Variants in OPALIN observed in about 807,000 individuals in gnomAD.
OPALIN encodes the protein transmembrane protein 10.
Under a neutral mutation model 17.8 loss-of-function variants are expected in OPALIN, and 15 were observed. The ratio of observed to expected loss-of-function variants is 0.84; its 90% confidence interval spans 0.56 to 1.29. The LOEUF is 1.29. OPALIN is among the 50% of genes most tolerant of loss of function. OPALIN has a pLI of 0.00. For missense variants in OPALIN, 170 were observed against 176.0 expected (o/e 0.97, Z 0.19); for synonymous variants, 62 against 63.8 (o/e 0.97, Z 0.14).
At position 96,355,226 on chromosome 10, in the gene OPALIN, G is replaced by A. The variant is rs774058997; in HGVS notation, c.39+29C>T. 18 of 1,608,564 alleles carry A rather than the reference G, an allele frequency of 1.1e-5. No homozygotes were observed. The highest frequency in any genetic ancestry group is 1.4e-5 in the Non-Finnish European group (17 of 1,176,856). Reference sequence around the variant, plus strand: ...ATTCTGCACTGGTCTTCTCTGCGTTGCCTGGTGAATGGGGGCTGCTGTACT... The same window carrying A: ...ATTCTGCACTGGTCTTCTCTGCGTTACCTGGTGAATGGGGGCTGCTGTACT... On this transcript the variant is annotated intron_variant, in intron 2 of 5. Coordinates refer to ENST00000371172, the MANE Select transcript of OPALIN (RefSeq NM_033207.5).
At chr10:96,357,351 T>C (rs1845862677) in intron 1 of OPALIN, among the ~76,000 whole-genome samples, 1 of 152,214 alleles carries the variant, frequency 6.6e-6, no homozygotes, top group Non-Finnish European at 1.5e-5. Flanking sequence ...TCATATTTTG[T>C]AGAAACACAG....
rs1167475372 is a variant in OPALIN, at chr10:96,343,646, G to A, written c.*2295C>T. The A allele has an allele frequency of 6.6e-6, 1 of 152,246 alleles. No homozygotes were observed. Among genetic ancestry groups the A allele is most frequent in the African/African-American group, 2.4e-5 (1 of 41,460 alleles). 9.4% of individuals were successfully genotyped at this position (152,246 alleles called of 1,614,324 possible). On this transcript the variant is annotated 3_prime_UTR_variant, in exon 6 of 6. Coordinates refer to ENST00000371172, the MANE Select transcript of OPALIN (RefSeq NM_033207.5). ...ACATGTAGGAGAAGTACAAGCACCA[G>A]GATGACTGGGAATGTCTGTTTAAAA...
intron 3 of OPALIN, among the ~76,000 whole-genome samples, chr10:96,350,247 G>C (rs1845523033): frequency 6.6e-6 from 1 of 151,920 alleles, no homozygotes; most frequent in Non-Finnish European, 1.5e-5. Flanking sequence ...ATGGAGTCTT[G>C]CTCTGTTGCC....
chr10:96,358,186 TAAAAAAAAAAA>T (rs61616596), intron 1 of OPALIN, among the ~76,000 whole-genome samples: 5,681 of 61,936 alleles, frequency 0.092, 490 homozygotes, highest in African/African-American at 0.26. Context: ...ATGCTTTTTG[TAAAAAAAAAAA>T]AAAAAAAAAA....
chr10:96,349,560 G>T, intron 4 of OPALIN, 147 bp downstream of exon 4: 2 of 869,220 alleles, frequency 2.3e-6, no homozygotes, highest in Non-Finnish European at 1.8e-6. Context: ...CATGTCTGCA[G>T]TGGAAATTAT....
chr10:96,356,720 CT>C (rs1251033875), intron 1 of OPALIN, among the ~76,000 whole-genome samples: 2 of 152,166 alleles, frequency 1.3e-5, no homozygotes, highest in African/African-American at 4.8e-5. Context: ...GTAAGTCCCC[CT>C]AGCTTTTGCC....
intron 1 of OPALIN, among the ~76,000 whole-genome samples, chr10:96,356,690 G>A (rs1845835343): frequency 6.6e-6 from 1 of 152,214 alleles, no homozygotes; most frequent in Non-Finnish European, 1.5e-5. Flanking sequence ...AACCAGAAGT[G>A]TTTTAAGCAC....
rs776629151 is a variant in OPALIN, at chr10:96,343,468, G to A, written c.*2473C>T. The A allele has an allele frequency of 1.3e-5, 2 of 152,138 alleles. No individual in the cohort carries two copies. Among genetic ancestry groups the A allele is most frequent in the Non-Finnish European group, 2.9e-5 (2 of 68,032 alleles). The allele number at this position is 152,138 out of a possible 1,614,324, so 9.4% of individuals were successfully genotyped here. ...AATCCAGCCTTACAACCACCCCATGGGCTAAAAGGATGGAGGATGAGAACT... is the reference window on the plus strand; with the variant it reads ...AATCCAGCCTTACAACCACCCCATGAGCTAAAAGGATGGAGGATGAGAACT... On this transcript the variant is annotated 3_prime_UTR_variant, in exon 6 of 6. Transcript: ENST00000371172.
intron 5 of OPALIN, among the ~76,000 whole-genome samples, chr10:96,347,316 A>T (rs2134011370): frequency 6.6e-6 from 1 of 151,324 alleles, no homozygotes; most frequent in African/African-American, 2.4e-5. Context: ...CTGGTCTAGA[A>T]CTCCTGACCT....
intron 1 of OPALIN, among the ~76,000 whole-genome samples, chr10:96,358,341 A>C (rs896190834): frequency 6.6e-6 from 1 of 152,148 alleles, no homozygotes; most frequent in Non-Finnish European, 1.5e-5. Flanking sequence ...TCCTATTCTA[A>C]AGCTAATATT....
intron 1 of OPALIN, among the ~76,000 whole-genome samples, chr10:96,358,405 G>T (rs1391052889): frequency 6.6e-6 from 1 of 152,094 alleles, no homozygotes; most frequent in East Asian, 1.9e-4. Flanking sequence ...ATCCACTGAT[G>T]GACACCTAGG....
In OPALIN at chr10:96,358,874, A is replaced by G; in HGVS notation, c.3+20T>C. 1 of 1,613,754 alleles carries G rather than the reference A, an allele frequency of 6.2e-7. No homozygotes were observed. The highest frequency in any genetic ancestry group is 8.5e-7 in the Non-Finnish European group (1 of 1,179,590). ...AAGAAATGAAAGTTCGATTGAGAAG[A>G]GATGCCAGCTTTCACTCACCATTTC... On this transcript the variant is annotated intron_variant, in intron 1 of 5. Coordinates refer to ENST00000371172, the MANE Select transcript of OPALIN (RefSeq NM_033207.5).
chr10:96,350,851 C>T (rs1205653364), intron 3 of OPALIN, among the ~76,000 whole-genome samples: 1 of 152,154 alleles, frequency 6.6e-6, no homozygotes, highest in African/African-American at 2.4e-5. Flanking sequence ...TCTGCAGAAA[C>T]CCTATAAAAG....
chr10:96,352,405 A>C (rs72829509), intron 2 of OPALIN, among the ~76,000 whole-genome samples: 1 of 152,024 alleles, frequency 6.6e-6, no homozygotes, highest in Non-Finnish European at 1.5e-5. Flanking sequence ...ACAGATAATC[A>C]TAACTCTAAT....
Position 96,345,541 on chromosome 10 carries a change from A to G in OPALIN, c.*400T>C, listed in dbSNP as rs541144906. ...AAGTTTCATTTGTATCCCAACTTGC[A>G]CCAGGCTGACCTCAGCAACACTTCC... On this transcript the variant is annotated 3_prime_UTR_variant, in exon 6 of 6. Transcript: ENST00000371172. The G allele has an allele frequency of 5.8e-4, 95 of 163,270 alleles. No homozygotes were observed. The highest frequency in any genetic ancestry group is 1.1e-3 in the Non-Finnish European group (80 of 75,426). The allele number at this position is 163,270 out of a possible 1,614,324, so 10.1% of individuals were successfully genotyped here. A position where few individuals can be genotyped will look rare whatever the true frequency, so the allele number is the denominator to read the frequency against.
chr10:96,349,956 GGTAATGAAATACTGTGCAAAAATGTTT>G, intron 3 of OPALIN, 130 bp from the exon 4 acceptor site: 1 of 1,012,360 alleles, frequency 9.9e-7, no homozygotes. Flanking sequence ...AAATCAAAAG[GGTAATGAAATACTGTGCAAAAATGTTT>G]GTAACACACA....
intron 2 of OPALIN, among the ~76,000 whole-genome samples, chr10:96,354,809 T>G (rs536765228): frequency 2.6e-5 from 4 of 151,848 alleles, no homozygotes; most frequent in Non-Finnish European, 5.9e-5. Flanking sequence ...AAAGTTTATG[T>G]AAATGGCCGG....
intron 1 of OPALIN, among the ~76,000 whole-genome samples, chr10:96,357,998 C>G (rs1274480874): frequency 6.6e-6 from 1 of 151,808 alleles, no homozygotes; most frequent in Non-Finnish European, 1.5e-5. Context: ...TGAAGGTGTG[C>G]TGGGTATAAG....
rs1845281986 is a variant in OPALIN, at chr10:96,345,695, G to A, written c.*246C>T. On this transcript the variant is annotated 3_prime_UTR_variant, in exon 6 of 6. Transcript: ENST00000371172. ...AAAAGCAAATTCCCACTGGGAGCAG[G>A]AATAGGATCTAAGGACCCCATCTGG... 5.2e-6 allele frequency: 2 copies of A among 385,932 alleles called. No individual in the cohort carries two copies. The highest frequency in any genetic ancestry group is 4.1e-5 in the African/African-American group (2 of 48,438). The allele number at this position is 385,932 out of a possible 1,614,324, so 23.9% of individuals were successfully genotyped here.
Sources: gnomAD v4.1 joint callset for allele counts (sites outside exome capture counted in the v4.1 genomes callset) on GRCh38, gnomAD v4.1.1 for gene constraint, MANE v1.5 for transcripts, NCBI Gene and HGNC (gene_info 2026-07-23, HGNC 2026-07-21) for gene names.